FBN2: variants seen among roughly 807,000 people sequenced by gnomAD.
FBN2 encodes fibrillin 2.
A neutral mutation model predicts 355.6 loss-of-function variants in FBN2; 105 were observed. The observed-to-expected ratio is 0.30, with a 90% CI of 0.25 to 0.35. FBN2 has a LOEUF of 0.35. Among genes scored for constraint, FBN2 ranks in the 10% least tolerant of loss-of-function variants. The probability of loss-of-function intolerance (pLI) is 1.00; values close to 1 mark genes in which losing one functional copy is unlikely to be tolerated. For missense variants in FBN2, 3,280 were observed against 3,758.7 expected (o/e 0.87, Z 3.33); for synonymous variants, 1,350 against 1,301.2 (o/e 1.04, Z -0.81).
chr5:128,537,670 G>A lies in FBN2; in HGVS notation c.-67C>T, dbSNP rs1581380681. 1.3e-6 allele frequency: 2 copies of A among 1,506,314 alleles called. No homozygotes were observed. Among genetic ancestry groups the A allele is most frequent in the East Asian group, 2.3e-5 (1 of 42,826 alleles). The allele number at this position is 1,506,314 out of a possible 1,614,324, so 93.3% of individuals were successfully genotyped here. A position where few individuals can be genotyped will look rare whatever the true frequency, so the allele number is the denominator to read the frequency against. On this transcript the variant is annotated 5_prime_UTR_variant, in exon 1 of 65. Transcript: ENST00000262464. Reference sequence around the variant, plus strand: ...GAGTGATCAAAGACAAAATCTGCGCGCCTCAGAAAAGAGTCAGGGTCTAAT... The same window carrying A: ...GAGTGATCAAAGACAAAATCTGCGCACCTCAGAAAAGAGTCAGGGTCTAAT...
rs978427840 is a variant in FBN2 at position 128,377,762 on chromosome 5, T to C, written c.1839A>G (p.Lys613=). ...AGGCAATTTCCATACCAACACAGTTTTTTCCATCTGTAGTTAATTCAAAGC... is the reference window on the plus strand; with the variant it reads ...AGGCAATTTCCATACCAACACAGTTCTTTCCATCTGTAGTTAATTCAAAGC... The part of the protein sequence containing the change: ...NAGFELTTDG[K]NCVDHDECTT... Residue 613 remains lysine, a synonymous_variant, in exon 13 of 65, where the codon AAA becomes AAG. Transcript: ENST00000262464. 6.2e-7 allele frequency: 1 copy of C among 1,613,518 alleles called. No individual in the cohort carries two copies. The highest frequency in any genetic ancestry group is 1.3e-5 in the African/African-American group (1 of 75,002).
At chr5:128,282,821 C>T (rs1417731932) in intron 55 of FBN2, among the ~76,000 whole-genome samples, 2 of 152,104 alleles carry the variant, frequency 1.3e-5, no homozygotes, top group Non-Finnish European at 2.9e-5. Flanking sequence ...CACTCTTGTC[C>T]GATGCTCCCC....
chr5:128,417,246 G>C (rs1166277225), intron 7 of FBN2, among the ~76,000 whole-genome samples: 3 of 152,046 alleles, frequency 2.0e-5, no homozygotes, highest in African/African-American at 7.2e-5. Context: ...GATCTAAGAG[G>C]TTTTGGTGCA....
chr5:128,483,207 C>G (rs940365203), intron 5 of FBN2, among the ~76,000 whole-genome samples: 1 of 152,082 alleles, frequency 6.6e-6, no homozygotes, highest in Admixed American at 6.6e-5. Context: ...TATTGGGTAC[C>G]ACGCTCAGTA....
In FBN2 at chr5:128,286,807, C is replaced by T. The variant is rs765129486; in HGVS notation, c.6923G>A (p.Arg2308Lys). Residue 2308 changes from arginine to lysine, a missense_variant, in exon 55 of 65, where the codon AGG becomes AAG. This residue lies in a region of FBN2 where 2,284 missense variants were observed against 2,749.5 expected (regional missense o/e 0.83). Coordinates refer to ENST00000262464, the MANE Select transcript of FBN2 (RefSeq NM_001999.4). ...GATTAGATTCTTACACATCATGCCC[C>T]TAGATTCACAGTCGTGTAACCCTTC... ...CAEGLHDCESRGMMCKNLIGT... is the reference protein window; with the variant it reads ...CAEGLHDCESKGMMCKNLIGT... 6 of 1,613,932 alleles carry T rather than the reference C, an allele frequency of 3.7e-6. No individual in the cohort carries two copies. Among genetic ancestry groups the T allele is most frequent in the Non-Finnish European group, 5.1e-6 (6 of 1,179,896 alleles).
At chr5:128,466,742 AAGAACAAC>A (rs1366262022) in intron 5 of FBN2, among the ~76,000 whole-genome samples, 4 of 152,188 alleles carry the variant, frequency 2.6e-5, no homozygotes, top group Admixed American at 2.6e-4. Context: ...TCCCTTGCAT[AAGAACAAC>A]AGATGTGCTG....
chr5:128,376,357 T>C (rs918575560), intron 14 of FBN2, among the ~76,000 whole-genome samples: 1 of 152,344 alleles, frequency 6.6e-6, no homozygotes, highest in African/African-American at 2.4e-5. Flanking sequence ...CCATAATGAA[T>C]GACAGTGGAA....
chr5:128,280,702 T>A (rs1765515036), intron 55 of FBN2, among the ~76,000 whole-genome samples: 1 of 151,964 alleles, frequency 6.6e-6, no homozygotes, highest in African/African-American at 2.4e-5. Context: ...ATGGTGGGTG[T>A]TGGGTATGGG....
In FBN2 at chr5:128,393,194, G is replaced by A. The variant is rs558282101; in HGVS notation, c.1406C>T (p.Pro469Leu). 7 of 1,614,200 alleles carry A rather than the reference G, an allele frequency of 4.3e-6. No homozygotes were observed. Among genetic ancestry groups the A allele is most frequent in the East Asian group, 4.5e-5 (2 of 44,874 alleles). ...IPIPGGNGFSPGVGGAGVGAG... is the reference protein window; with the variant it reads ...IPIPGGNGFSLGVGGAGVGAG... ...CCCCACACCGGCTCCCCCAACGCCA[G>A]GAGAAAAGCCATTGCCTCCAGGGAT... is the stretch of plus-strand genomic sequence containing the variant. Residue 469 changes from proline to leucine, a missense_variant, in exon 10 of 65, where the codon CCT (proline) becomes CTT (leucine). Coordinates refer to ENST00000262464, the MANE Select transcript of FBN2 (RefSeq NM_001999.4).
Position 128,336,232 on chromosome 5 carries a change from A to G in FBN2, c.3599-119T>C, listed in dbSNP as rs32221. On this transcript the variant is annotated intron_variant, in intron 27 of 64. Transcript: ENST00000262464. Reference sequence around the variant, plus strand: ...GTTTGTGTACTTCACGAGGAAGTAAAATGTTCTCCTGGGGGATTGAAAGAA... The same window carrying G: ...GTTTGTGTACTTCACGAGGAAGTAAGATGTTCTCCTGGGGGATTGAAAGAA... 484,419 of 956,182 alleles carry G rather than the reference A, an allele frequency of 0.51. 126,605 individuals carry two copies. The highest frequency in any genetic ancestry group is 0.8 in the East Asian group (33,547 of 41,694). 59.2% of individuals were successfully genotyped at this position (956,182 alleles called of 1,614,324 possible). A position where few individuals can be genotyped will look rare whatever the true frequency, so the allele number is the denominator to read the frequency against.
chr5:128,394,255 T>C (rs2126980409), intron 9 of FBN2, among the ~76,000 whole-genome samples: 1 of 152,204 alleles, frequency 6.6e-6, no homozygotes, highest in East Asian at 1.9e-4. Context: ...AATATATTAA[T>C]ATATCTTTAT....
chr5:128,334,778 G>C lies in FBN2; in HGVS notation c.4040C>G (p.Ser1347Cys). Residue 1347 changes from serine to cysteine, a missense_variant, in exon 31 of 65, where the codon TCC (serine) becomes TGC (cysteine). Coordinates refer to ENST00000262464, the MANE Select transcript of FBN2 (RefSeq NM_001999.4). Reference sequence around the variant, plus strand: ...ACCCAGCTGACAGTGGCAAATGAAGGATCCCTTTGTGTTCTCACATTCCCC... The same window carrying C: ...ACCCAGCTGACAGTGGCAAATGAAGCATCCCTTTGTGTTCTCACATTCCCC... Reference protein sequence around the residue: ...MFGECENTKGSFICHCQLGYS... With the variant: ...MFGECENTKGCFICHCQLGYS... 6.2e-7 allele frequency: 1 copy of C among 1,613,488 alleles called. No individual in the cohort carries two copies. Among genetic ancestry groups the C allele is most frequent in the Non-Finnish European group, 8.5e-7 (1 of 1,179,406 alleles).
intron 20 of FBN2, among the ~76,000 whole-genome samples, chr5:128,356,362 T>C (rs923907279): frequency 2.6e-5 from 4 of 152,372 alleles, no homozygotes; most frequent in South Asian, 4.1e-4. Context: ...CAGCTAAATA[T>C]GGTTAATGTC....
rs1426028589 is a variant in FBN2 at position 128,447,710 on chromosome 5, C to A, written c.827-1104G>T. 2.0e-5 allele frequency among the ~76,000 whole-genome samples: 3 copies of A among 152,310 alleles called. No homozygotes were observed. In the East Asian group the frequency reaches 5.8e-4, roughly 29 times the overall value. ...CCCACAGCCTATTCGTACACTCTCT[C>A]CCCTTTGAAAATCACTAATAAAAAC... On this transcript the variant is annotated intron_variant, in intron 6 of 64. Transcript: ENST00000262464.
At chr5:128,314,562 C>T (rs1241500423) in intron 36 of FBN2, among the ~76,000 whole-genome samples, 3 of 152,042 alleles carry the variant, frequency 2.0e-5, no homozygotes, top group African/African-American at 7.2e-5. Flanking sequence ...GTGATCCACC[C>T]ACCTCAGCCT....
intron 48 of FBN2, among the ~76,000 whole-genome samples, chr5:128,298,430 G>A (rs1275016944): frequency 2.6e-5 from 4 of 152,146 alleles, no homozygotes; most frequent in East Asian, 1.9e-4. Flanking sequence ...CCTGCAGAGT[G>A]TTTTCCAACT....
chr5:128,506,410 T>C (rs565583308), intron 5 of FBN2, among the ~76,000 whole-genome samples: 92 of 152,312 alleles, frequency 6.0e-4, no homozygotes, highest in African/African-American at 2.1e-3. Context: ...CCATGAGTAT[T>C]ACATAATAAA....
At chr5:128,333,078 A>T in intron 31 of FBN2, 44 bp from the exon 32 acceptor site, 2 of 1,526,156 alleles carry the variant, frequency 1.3e-6, no homozygotes, top group South Asian at 2.2e-5. Context: ...AATACAAACT[A>T]ATTAATTCTA....
intron 4 of FBN2, among the ~76,000 whole-genome samples, chr5:128,523,339 A>G (rs554039461): frequency 3.4e-4 from 51 of 152,122 alleles, no homozygotes; most frequent in Middle Eastern, 3.4e-3. Context: ...ACACTCTCTC[A>G]GTTTTCATTC....
Sources: gnomAD v4.1 joint callset for allele counts (sites outside exome capture counted in the v4.1 genomes callset) on GRCh38, gnomAD v4.1.1 for gene constraint, gnomAD v4.1.1 regional missense constraint, MANE v1.5 for transcripts, NCBI Gene and HGNC (gene_info 2026-07-23, HGNC 2026-07-21) for gene names.